The following GPRASP3 variants were observed in gnomAD, a reference collection of about 807,000 sequenced individuals.
GPRASP3 encodes the protein G protein-coupled receptor associated sorting protein family member 3.
At chrX:102,731,562 G>A in the GPRASP3 span, among the ~76,000 whole-genome samples, 1,246 of 110,279 alleles carry the variant, frequency 0.011, 23 homozygotes, top group African/African-American at 0.037. Flanking sequence ...CCCGGGAAGC[G>A]GAGGTTGCAG....
At chrX:102,734,870 T>G in the GPRASP3 span, among the ~76,000 whole-genome samples, 1 of 112,015 alleles carries the variant, frequency 8.9e-6, no homozygotes, top group Admixed American at 9.5e-5. Context: ...AATTTCATAT[T>G]TGACAATGCT....
At chrX:102,751,575 C>A in the GPRASP3 span, 3 of 122,995 alleles carry the variant, frequency 2.4e-5, no homozygotes, top group Non-Finnish European at 3.8e-5. Context: ...GGTGGGGGGG[C>A]CTTCAAAGCT....
chrX:102,733,915 G>A, the GPRASP3 span, among the ~76,000 whole-genome samples: 1 of 109,599 alleles, frequency 9.1e-6, no homozygotes, highest in East Asian at 2.9e-4. Flanking sequence ...GGGTGGAGCC[G>A]TTTTATAGGA....
chrX:102,739,345 A>G, the GPRASP3 span, among the ~76,000 whole-genome samples: 3 of 110,478 alleles, frequency 2.7e-5, no homozygotes, highest in Non-Finnish European at 5.7e-5. Flanking sequence ...TTCCCTCCCC[A>G]CTCCCTTAGA....
At chrX:102,727,137 A>G in the GPRASP3 span, among the ~76,000 whole-genome samples, 1 of 112,637 alleles carries the variant, frequency 8.9e-6, no homozygotes, top group Non-Finnish European at 1.9e-5. Flanking sequence ...AACTAACTTA[A>G]TAAGGAAATT....
chrX:102,738,583 C>T, the GPRASP3 span, among the ~76,000 whole-genome samples: 4 of 111,610 alleles, frequency 3.6e-5, no homozygotes, highest in South Asian at 1.2e-3. Context: ...CATCTCATCA[C>T]GATTACCCAC....
chrX:102,743,607 TGTG>T, the GPRASP3 span, among the ~76,000 whole-genome samples: 1 of 110,793 alleles, frequency 9.0e-6, no homozygotes, highest in African/African-American at 3.3e-5. Flanking sequence ...GGTTAATTGA[TGTG>T]GTGCTGGCCA....
chrX:102,735,824 A>G, the GPRASP3 span, among the ~76,000 whole-genome samples: 1 of 112,697 alleles, frequency 8.9e-6, no homozygotes, highest in African/African-American at 3.2e-5. Flanking sequence ...AGAAATCCAC[A>G]TTCCCATTCC....
the GPRASP3 span, among the ~76,000 whole-genome samples, chrX:102,730,911 T>C: frequency 2.7e-5 from 3 of 112,531 alleles, no homozygotes; most frequent in Non-Finnish European, 5.6e-5. Flanking sequence ...CCTGGGTTTT[T>C]ATTTTCTTTT....
At chrX:102,741,157 A>G in the GPRASP3 span, among the ~76,000 whole-genome samples, 1 of 112,105 alleles carries the variant, frequency 8.9e-6, no homozygotes, top group Non-Finnish European at 1.9e-5. Context: ...AAAAGAGACC[A>G]AGGCAAGTTT....
At chrX:102,750,163 A>G in the GPRASP3 span, 9 of 1,207,016 alleles carry the variant, frequency 7.5e-6, no homozygotes, top group African/African-American at 1.6e-4. Flanking sequence ...AATTACTCTG[A>G]ATCCTCCTTC....
the GPRASP3 span, chrX:102,748,879 C>CGA: frequency 1.3e-6 from 1 of 754,241 alleles, no homozygotes; most frequent in Non-Finnish European, 1.9e-6. Flanking sequence ...ACAGTTGACT[C>CGA]TAATTCTTGC....
At chrX:102,750,326 A>G in the GPRASP3 span, 5 of 1,210,314 alleles carry the variant, frequency 4.1e-6, no homozygotes, top group African/African-American at 3.5e-5. Flanking sequence ...ATTGTTGCCA[A>G]TTACTTTTCA....
the GPRASP3 span, among the ~76,000 whole-genome samples, chrX:102,722,923 A>G: frequency 9.0e-6 from 1 of 111,524 alleles, no homozygotes; most frequent in Non-Finnish European, 1.9e-5. Context: ...CAGTAGCACA[A>G]TAGGGTGCCT....
chrX:102,748,953 C>T, the GPRASP3 span: 642 of 1,151,690 alleles, frequency 5.6e-4, 2 homozygotes, highest in Non-Finnish European at 7.1e-4. Flanking sequence ...ACATTGAGAA[C>T]CAAGGCCAAG....
At chrX:102,740,145 A>T in the GPRASP3 span, among the ~76,000 whole-genome samples, 1 of 111,993 alleles carries the variant, frequency 8.9e-6, no homozygotes, top group Non-Finnish European at 1.9e-5. Context: ...CACTCTCATA[A>T]GCCTCCTATC....
chrX:102,735,199 T>C, the GPRASP3 span, among the ~76,000 whole-genome samples: 1 of 111,873 alleles, frequency 8.9e-6, no homozygotes, highest in Non-Finnish European at 1.9e-5. Context: ...TAATAAAATG[T>C]TATAGACAAA....
the GPRASP3 span, chrX:102,750,859 T>G: frequency 3.3e-6 from 1 of 301,078 alleles, no homozygotes; most frequent in Non-Finnish European, 6.0e-6. Context: ...ACATTTTACT[T>G]AAGATAGCAA....
the GPRASP3 span, among the ~76,000 whole-genome samples, chrX:102,735,774 A>G: frequency 1.8e-5 from 2 of 112,575 alleles, no homozygotes; most frequent in African/African-American, 3.2e-5. Flanking sequence ...GATGTTTCCT[A>G]TCTAACTTAA....
Sources: gnomAD v4.1 joint callset for allele counts (sites outside exome capture counted in the v4.1 genomes callset) on GRCh38, gnomAD v4.1.1 for gene constraint, MANE v1.5 for transcripts, NCBI Gene and HGNC (gene_info 2026-07-23, HGNC 2026-07-21) for gene names.